The following NAXD variants were observed in gnomAD, a reference collection of about 807,000 sequenced individuals.
NAXD encodes the protein NAD(P)HX dehydratase.
NAXD carries 22 observed loss-of-function variants against 35.8 expected under a neutral mutation model. The observed-to-expected ratio is 0.62, with a 90% CI of 0.44 to 0.88. The LOEUF (loss-of-function observed/expected upper bound fraction) is 0.88, where lower values mean the gene tolerates loss of function less well. NAXD is among the 40% of genes least tolerant of loss of function. NAXD has a pLI of 0.00. For missense variants in NAXD, 428 were observed against 437.7 expected (o/e 0.98, Z 0.20); for synonymous variants, 189 against 177.6 (o/e 1.06, Z -0.51).
chr13:110,634,859 C>T (rs1886862247), intron 7 of NAXD, 83 bp downstream of exon 7: 3 of 1,034,848 alleles, frequency 2.9e-6, no homozygotes, highest in Non-Finnish European at 2.9e-6. Flanking sequence ...TGCTTCTGCC[C>T]AGCCTGTCCC....
chr13:110,617,302 C>T (rs992840827), intron 1 of NAXD, among the ~76,000 whole-genome samples: 2 of 152,158 alleles, frequency 1.3e-5, no homozygotes, highest in African/African-American at 2.4e-5. Context: ...TCCCCAGACA[C>T]GCTTCCTTAA....
In NAXD at chr13:110,627,567, A is replaced by G; in HGVS notation, c.441+20A>G. ...GTCCAGGTAATGTGTATACTCACTC[A>G]CTTCCCTCATGACAGGCTTAGCCTT... is the stretch of plus-strand genomic sequence containing the variant. On this transcript the variant is annotated intron_variant, in intron 5 of 9. Coordinates refer to ENST00000680254, the MANE Select transcript of NAXD (RefSeq NM_001242882.2). The G allele has an allele frequency of 6.5e-7, 1 of 1,532,044 alleles. No homozygotes were observed. Among genetic ancestry groups the G allele is most frequent in the Non-Finnish European group, 9.0e-7 (1 of 1,105,752 alleles). The allele number at this position is 1,532,044 out of a possible 1,614,324, so 94.9% of individuals were successfully genotyped here. A position where few individuals can be genotyped will look rare whatever the true frequency, so the allele number is the denominator to read the frequency against.
Position 110,634,592 on chromosome 13 carries a change from C to T in NAXD, c.489C>T (p.Asp163=), listed in dbSNP as rs9521879. ...CCAGGGACATCCCTGTTGTCATCGACGCGGTGAGTTGACTTCTCTCCTCCT... is the reference window on the plus strand; with the variant it reads ...CCAGGGACATCCCTGTTGTCATCGATGCGGTGAGTTGACTTCTCTCCTCCT... The part of the protein sequence containing the change: ...SKARDIPVVI[D]ADGLWLVAQQ... The change falls in exon 6 of 10, where the codon GAC becomes GAT. Residue 163 remains aspartate (D), a synonymous_variant. Coordinates refer to ENST00000680254, the MANE Select transcript of NAXD (RefSeq NM_001242882.2). The T allele has an allele frequency of 0.019, 30,263 of 1,614,138 alleles. 365 individuals carry two copies. Among genetic ancestry groups the T allele is most frequent in the Non-Finnish European group, 0.021 (25,053 of 1,179,974 alleles).
chr13:110,635,588 G>T lies in NAXD; in HGVS notation c.718G>T (p.Val240Leu). ...CGACATCCTCTCCAACGGCCAGCAG[G>T]GTGAGTGGCGGCTGCCCTCTGTGCA... ...ERDILSNGQQVLVCSQEGSSR... is the reference protein window; with the variant it reads ...ERDILSNGQQLLVCSQEGSSR... The change falls in exon 8 of 10, where the codon GTG becomes TTG. Residue 240 changes from valine to leucine, a missense_variant and splice_region_variant. Physicochemically the swap from Val to Leu is conservative, Grantham distance 32. This residue lies in a region of NAXD where 209 missense variants were observed against 214.6 expected (regional missense o/e 0.97). Coordinates refer to ENST00000680254, the MANE Select transcript of NAXD (RefSeq NM_001242882.2). 1 of 1,613,794 alleles carries T rather than the reference G, an allele frequency of 6.2e-7. No individual in the cohort carries two copies. The highest frequency in any genetic ancestry group is 8.5e-7 in the Non-Finnish European group (1 of 1,179,972).
At chr13:110,636,006 C>A (rs1487788019) in intron 8 of NAXD, among the ~76,000 whole-genome samples, 2 of 152,240 alleles carry the variant, frequency 1.3e-5, no homozygotes, top group East Asian at 3.9e-4. Flanking sequence ...ATCAAAATGA[C>A]TGGAAAGTGC....
Position 110,634,764 on chromosome 13 carries a change from G to A in NAXD, c.585G>A (p.Leu195=), listed in dbSNP as rs1324876185. ...CCAACCACGTGGAGTTCAGCAGACTGTATGACGCTGTGGTGAGTCAGTGGA... is the reference window on the plus strand; with the variant it reads ...CCAACCACGTGGAGTTCAGCAGACTATATGACGCTGTGGTGAGTCAGTGGA... ...LTPNHVEFSR[L]YDAVLRGPMD... Residue 195 remains leucine (L), a synonymous_variant, in exon 7 of 10, where the codon CTG becomes CTA. Transcript: ENST00000680254. 1.2e-6 allele frequency: 2 copies of A among 1,613,142 alleles called. No individual in the cohort carries two copies. Among genetic ancestry groups the A allele is most frequent in the Admixed American group, 1.7e-5 (1 of 60,020 alleles).
intron 5 of NAXD, among the ~76,000 whole-genome samples, chr13:110,632,507 T>A (rs559405194): frequency 2.3e-3 from 345 of 152,272 alleles, no homozygotes; most frequent in African/African-American, 8.0e-3. Context: ...GCCTGTTTTG[T>A]CAGGGCACTG....
chr13:110,634,151 G>T (rs906564855), intron 5 of NAXD, among the ~76,000 whole-genome samples: 1 of 152,114 alleles, frequency 6.6e-6, no homozygotes, highest in African/African-American at 2.4e-5. Context: ...TCCATTTATT[G>T]TTTGATGGCC....
chr13:110,634,731 GCTCA>G lies in NAXD; in HGVS notation c.556_559del (p.Thr186ProfsTer28), dbSNP rs1211446653. 6.2e-7 allele frequency: 1 copy of G among 1,614,010 alleles called. No homozygotes were observed. The highest frequency in any genetic ancestry group is 8.5e-7 in the Non-Finnish European group (1 of 1,180,034). On this transcript the variant is annotated frameshift_variant, in exon 7 of 10. Coordinates refer to ENST00000680254, the MANE Select transcript of NAXD (RefSeq NM_001242882.2). LOFTEE classifies it high-confidence loss of function. The stretch of plus-strand genomic sequence containing the variant: ...TCATCCATGGCTACCGGAAGGCTGT[GCTCA>G]CTCCCAACCACGTGGAGTTCAGCAG...
intron 1 of NAXD, among the ~76,000 whole-genome samples, chr13:110,617,681 A>G (rs150193956): frequency 6.6e-6 from 1 of 152,334 alleles, no homozygotes; most frequent in East Asian, 1.9e-4. Flanking sequence ...AAATGGCAGC[A>G]TTTTACACCT....
intron 1 of NAXD, among the ~76,000 whole-genome samples, chr13:110,621,157 G>GT (rs1886247792): frequency 6.6e-6 from 1 of 152,050 alleles, no homozygotes; most frequent in Non-Finnish European, 1.5e-5. Flanking sequence ...ACCCAGTTGA[G>GT]TGTTGGAATA....
intron 4 of NAXD, among the ~76,000 whole-genome samples, chr13:110,625,802 G>A (rs764325421): frequency 6.6e-6 from 1 of 152,240 alleles, no homozygotes; most frequent in Non-Finnish European, 1.5e-5. Flanking sequence ...TGGGAGGTGC[G>A]GGAGCAGAGC....
chr13:110,629,355 C>A (rs1198905570), intron 5 of NAXD, among the ~76,000 whole-genome samples: 1 of 152,184 alleles, frequency 6.6e-6, no homozygotes, highest in East Asian at 1.9e-4. Context: ...TTAAAGTGAA[C>A]TATGCGGTGG....
chr13:110,624,987 G>C (rs1437874989), intron 3 of NAXD, among the ~76,000 whole-genome samples: 1 of 152,254 alleles, frequency 6.6e-6, no homozygotes, highest in African/African-American at 2.4e-5. Context: ...TGCCTCTGCA[G>C]TGGCGGCAAA....
chr13:110,629,900 C>T (rs1490704668), intron 5 of NAXD, among the ~76,000 whole-genome samples: 1 of 152,198 alleles, frequency 6.6e-6, no homozygotes. Flanking sequence ...CTGTTGTTGT[C>T]TACTTAGCAG....
chr13:110,624,722 G>A (rs1319117972), intron 3 of NAXD, among the ~76,000 whole-genome samples: 4 of 152,182 alleles, frequency 2.6e-5, no homozygotes, highest in East Asian at 1.9e-4. Context: ...TCGGCCTCCC[G>A]AAGTGCTGGG....
At chr13:110,621,034 G>T (rs190649839) in intron 1 of NAXD, among the ~76,000 whole-genome samples, 166 of 152,344 alleles carry the variant, frequency 1.1e-3, no homozygotes, top group Middle Eastern at 0.01. Context: ...GCCAATTGAA[G>T]TGTAGCTGTT....
At chr13:110,616,590 G>A (rs557001439) in intron 1 of NAXD, among the ~76,000 whole-genome samples, 75 of 152,232 alleles carry the variant, frequency 4.9e-4, no homozygotes, top group Non-Finnish European at 7.8e-4. Flanking sequence ...AATTTAAACA[G>A]GAGCTGAGCA....
At chr13:110,637,931 C>T in intron 9 of NAXD, 1 of 532,408 alleles carries the variant, frequency 1.9e-6, no homozygotes, top group South Asian at 1.6e-5. Context: ...GGGGTGTGGG[C>T]AGGAGTCTTA....
Sources: gnomAD v4.1 joint callset for allele counts (sites outside exome capture counted in the v4.1 genomes callset) on GRCh38, gnomAD v4.1.1 for gene constraint, gnomAD v4.1.1 regional missense constraint, MANE v1.5 for transcripts, NCBI Gene and HGNC (gene_info 2026-07-23, HGNC 2026-07-21) for gene names.